Variants in TRRAP observed in about 807,000 individuals in gnomAD.
The protein encoded by TRRAP is transformation/transcription domain associated protein, also known as transformation/transcription domain-associated protein.
In TRRAP, 41 loss-of-function variants were observed where a neutral mutation model predicts 438.8. The ratio of observed to expected loss-of-function variants is 0.09; its 90% CI spans 0.07 to 0.12. The LOEUF (loss-of-function observed/expected upper bound fraction) is 0.12, where lower values mean the gene tolerates loss of function less well. Ranked by LOEUF, TRRAP falls within the 10% of genes least tolerant of loss-of-function variation. The pLI is 1.00. For missense variants in TRRAP, 3,122 were observed against 5,055.1 expected (o/e 0.62, Z 11.60); for synonymous variants, 1,994 against 1,962.9 (o/e 1.02, Z -0.42).
In TRRAP at chr7:98,958,049, C is replaced by T; in HGVS notation, c.6300C>T (p.His2100=). The change falls in exon 44 of 73, where the codon CAC becomes CAT. Residue 2100 remains histidine, a synonymous_variant. Coordinates refer to ENST00000456197, the MANE Select transcript of TRRAP (RefSeq NM_001375524.1). The stretch of plus-strand genomic sequence containing the variant: ...TCGCCAAGCCCATTGACAAGCAGCA[C>T]ACAGACACTGTGGTGAACTTCCTTA... ...SLLAKPIDKQ[H]TDTVVNFLIR... The T allele has an allele frequency of 6.2e-7, 1 of 1,614,234 alleles. No homozygotes were observed. The highest frequency in any genetic ancestry group is 2.2e-5 in the East Asian group (1 of 44,890).
At chr7:98,998,930 A>G in intron 67 of TRRAP, 1 of 536,070 alleles carries the variant, frequency 1.9e-6, no homozygotes, top group South Asian at 2.8e-5. Context: ...AGTCTGCACA[A>G]GGTACAGAAG....
intron 19 of TRRAP, among the ~76,000 whole-genome samples, chr7:98,916,101 C>T (rs1250635140): frequency 6.6e-6 from 1 of 151,404 alleles, no homozygotes; most frequent in Non-Finnish European, 1.5e-5. Context: ...ATGGGCCCTT[C>T]CCCTCCCTCC....
chr7:98,893,795 T>TA lies in TRRAP; in HGVS notation c.367-2dup. The TA allele has an allele frequency of 6.2e-7, 1 of 1,612,408 alleles. No individual in the cohort carries two copies. Among genetic ancestry groups the TA allele is most frequent in the Non-Finnish European group, 8.5e-7 (1 of 1,179,346 alleles). On this transcript the variant is annotated splice_polypyrimidine_tract_variant and splice_region_variant and intron_variant, in intron 5 of 72. Coordinates refer to ENST00000456197, the MANE Select transcript of TRRAP (RefSeq NM_001375524.1). ...ATAACTTTCATTAAATGCTTTTTTT[T>TA]AGACGGAAAATGAAGAAAATGTTCT... is the stretch of plus-strand genomic sequence containing the variant.
intron 31 of TRRAP, among the ~76,000 whole-genome samples, chr7:98,943,457 T>C (rs1790894262): frequency 6.6e-6 from 1 of 152,110 alleles, no homozygotes; most frequent in East Asian, 1.9e-4. Context: ...AACCAACTGG[T>C]TTTTGGGACT....
chr7:98,993,806 G>A, intron 66 of TRRAP, 69 bp downstream of exon 66: 1 of 1,509,564 alleles, frequency 6.6e-7, no homozygotes, highest in Non-Finnish European at 9.2e-7. Flanking sequence ...ATGCTTCTGT[G>A]GCTCTCTTCC....
intron 40 of TRRAP, among the ~76,000 whole-genome samples, chr7:98,953,709 C>G (rs184828597): frequency 6.6e-6 from 1 of 152,132 alleles, no homozygotes; most frequent in Non-Finnish European, 1.5e-5. Context: ...GCAAACATTC[C>G]GGAGATGATG....
At position 98,909,122 on chromosome 7, in the gene TRRAP, C is replaced by G. The variant is rs1171650526; in HGVS notation, c.1350+160C>G. On this transcript the variant is annotated intron_variant, in intron 14 of 72. Coordinates refer to ENST00000456197, the MANE Select transcript of TRRAP (RefSeq NM_001375524.1). ...CACTGCAACCTCTGCCTCCTGGGTTCAAGTGATTCTCATGCCTCAGCCTCC... is the reference window on the plus strand; with the variant it reads ...CACTGCAACCTCTGCCTCCTGGGTTGAAGTGATTCTCATGCCTCAGCCTCC... Among the ~76,000 whole-genome samples, 3 of 150,552 alleles carry G rather than the reference C, an allele frequency of 2.0e-5. No homozygotes were observed. The Admixed American group carries it at 2.0e-4, about 10-fold the overall frequency.
chr7:98,978,374 G>A, intron 57 of TRRAP, 51 bp downstream of exon 57: 2 of 1,498,592 alleles, frequency 1.3e-6, no homozygotes, highest in Non-Finnish European at 1.8e-6. Flanking sequence ...AAGGGAACCA[G>A]GGAAAAATCT....
rs116309261 is a variant in TRRAP at position 98,903,846 on chromosome 7, G to A, written c.1036+329G>A. Among the ~76,000 whole-genome samples the A allele has an allele frequency of 2.1e-3, 321 of 152,250 alleles. 1 individual carries two copies. The highest frequency in any genetic ancestry group is 7.4e-3 in the African/African-American group (306 of 41,544). ...CAAGTCACATCTTACGTGGATGGTG[G>A]CCCGCAAAGAGAGAGCTTGTGCAGG... is the stretch of plus-strand genomic sequence containing the variant. On this transcript the variant is annotated intron_variant, in intron 12 of 72. Transcript: ENST00000456197.
In TRRAP at chr7:98,930,680, A is replaced by G; in HGVS notation, c.3441A>G (p.Ala1147=). The change falls in exon 25 of 73, where the codon GCA becomes GCG. Residue 1147 remains alanine, a synonymous_variant. Transcript: ENST00000456197. Reference sequence around the variant, plus strand: ...CTTACATCGTGGAGCGCCTGTGTGCATGTTGTTATGAACAGGCGTGGTATG... The same window carrying G: ...CTTACATCGTGGAGCGCCTGTGTGCGTGTTGTTATGAACAGGCGTGGTATG... ...LFSYIVERLC[A]CCYEQAWYAK... 2 of 1,614,154 alleles carry G rather than the reference A, an allele frequency of 1.2e-6. No homozygotes were observed. Among genetic ancestry groups the G allele is most frequent in the South Asian group, 1.1e-5 (1 of 91,076 alleles).
chr7:98,882,071 T>C (rs1383843602), intron 3 of TRRAP, 47 bp downstream of exon 3: 4 of 1,521,070 alleles, frequency 2.6e-6, no homozygotes, highest in African/African-American at 1.4e-5. Flanking sequence ...TAAATATTCT[T>C]ATTCACTTTC....
rs908118167 is a variant in TRRAP, at chr7:98,906,087, C to T, written c.1037-90C>T. The T allele has an allele frequency of 9.3e-5, 102 of 1,102,532 alleles. 1 individual carries two copies. The highest frequency in any genetic ancestry group is 4.2e-4 in the Middle Eastern group (2 of 4,740). 68.3% of individuals were successfully genotyped at this position (1,102,532 alleles called of 1,614,324 possible). On this transcript the variant is annotated intron_variant, in intron 12 of 72. Coordinates refer to ENST00000456197, the MANE Select transcript of TRRAP (RefSeq NM_001375524.1). ...AGGTCTGGATTGCATATCAGACTGG[C>T]GGGCTGGCTACTTCGAAAGCACTGT...
At chr7:98,977,938 A>G (rs944333855) in intron 56 of TRRAP, among the ~76,000 whole-genome samples, 2 of 152,208 alleles carry the variant, frequency 1.3e-5, no homozygotes, top group Non-Finnish European at 2.9e-5. Context: ...ATGTGCTCCC[A>G]GGTCTGTGAT....
rs1317311355 is a variant in TRRAP, at chr7:99,012,666, T to C, written c.*311T>C. The C allele has an allele frequency of 2.5e-6, 1 of 398,188 alleles. No individual in the cohort carries two copies. Among genetic ancestry groups the C allele is most frequent in the East Asian group, 5.1e-5 (1 of 19,668 alleles). 24.7% of individuals were successfully genotyped at this position (398,188 alleles called of 1,614,324 possible). ...TTCTGAGTGAGTCCTTTTTTTATGG[T>C]GTCCTCCCTCTGTGAATGTACAGGC... On this transcript the variant is annotated 3_prime_UTR_variant, in exon 73 of 73. Transcript: ENST00000456197. The surrounding 1 kb of genome is among the most constrained non-coding windows in gnomAD (Gnocchi z 5.9).
At chr7:98,909,037 T>G in intron 14 of TRRAP, 75 bp downstream of exon 14, 1 of 1,383,648 alleles carries the variant, frequency 7.2e-7, no homozygotes, top group Non-Finnish European at 9.7e-7. Flanking sequence ...TTTTTTTTTT[T>G]TTTTGAGACA....
chr7:98,978,630 A>G (rs1047626184), intron 57 of TRRAP, 139 bp from the exon 58 acceptor site: 5 of 1,246,138 alleles, frequency 4.0e-6, no homozygotes, highest in African/African-American at 1.5e-5. Flanking sequence ...GCACACCTCC[A>G]TGTCCCACAG....
At chr7:98,973,467 G>A (rs529532943) in intron 53 of TRRAP, among the ~76,000 whole-genome samples, 146 of 152,298 alleles carry the variant, frequency 9.6e-4, no homozygotes, top group Middle Eastern at 3.4e-3. Context: ...CGAGGGGTCA[G>A]GATATTTGGT....
chr7:98,981,018 C>T (rs1353824263), intron 58 of TRRAP, among the ~76,000 whole-genome samples: 4 of 152,170 alleles, frequency 2.6e-5, no homozygotes, highest in African/African-American at 9.7e-5. Flanking sequence ...ACCCTGCAGT[C>T]TAGCTTGAAC....
rs1554412678 is a variant in TRRAP at position 98,930,761 on chromosome 7, T to C, written c.3522T>C (p.Thr1174=). The C allele has an allele frequency of 6.2e-7, 1 of 1,614,220 alleles. No homozygotes were observed. Among genetic ancestry groups the C allele is most frequent in the Non-Finnish European group, 8.5e-7 (1 of 1,180,044 alleles). ...IKFLMERLPL[T]WVLQNQQTFL... is the part of the protein sequence containing the mutation. ...TTCTCATGGAGCGGCTGCCTCTCACTTGGGTTCTCCAGAACCAGCAGACAT... is the reference window on the plus strand; with the variant it reads ...TTCTCATGGAGCGGCTGCCTCTCACCTGGGTTCTCCAGAACCAGCAGACAT... Residue 1174 remains threonine (T), a synonymous_variant, in exon 25 of 73, where the codon ACT becomes ACC. Transcript: ENST00000456197.
Sources: allele counts gnomAD v4.1 joint callset (sites outside exome capture counted in the v4.1 genomes callset), GRCh38; gene constraint gnomAD v4.1.1; non-coding constraint Gnocchi (gnomAD v3.1); transcripts MANE v1.5; gene names NCBI Gene and HGNC (gene_info 2026-07-23, HGNC 2026-07-21).